DDX46: variants seen among roughly 807,000 people sequenced by gnomAD.
The protein encoded by DDX46 is probable ATP-dependent RNA helicase DDX46.
In DDX46, 30 loss-of-function variants were observed where a neutral mutation model predicts 134.9. The ratio of observed to expected loss-of-function variants is 0.22; its 90% CI spans 0.17 to 0.30. The LOEUF (loss-of-function observed/expected upper bound fraction) is 0.30. DDX46 is among the 10% of genes least tolerant of loss of function. The probability of loss-of-function intolerance (pLI) is 1.00; values close to 1 mark genes in which losing one functional copy is unlikely to be tolerated. For synonymous variants in DDX46, 415 were observed against 404.1 expected, an observed-to-expected ratio of 1.03 and a Z score of -0.32; for missense variants, 622 against 1,248.7, an observed-to-expected ratio of 0.50 and a Z score of 7.56.
chr5:134,760,820 C>A (rs548354320), intron 1 of DDX46, among the ~76,000 whole-genome samples: 1 of 151,870 alleles, frequency 6.6e-6, no homozygotes, highest in Non-Finnish European at 1.5e-5. Flanking sequence ...AGCTCCGCCT[C>A]CAGGGTTCAC....
At chr5:134,816,224 T>C (rs1755284882) in intron 18 of DDX46, among the ~76,000 whole-genome samples, 1 of 152,220 alleles carries the variant, frequency 6.6e-6, no homozygotes, top group South Asian at 2.1e-4. Context: ...CTCCCTACCA[T>C]AGACAACTGA....
chr5:134,784,520 G>A lies in DDX46; in HGVS notation c.1321G>A (p.Glu441Lys). The change falls in exon 10 of 23, where the codon GAG becomes AAG. Residue 441 changes from glutamate (E) to lysine (K), a missense_variant. Glu to Lys is a moderately conservative substitution (Grantham distance 56). Around this residue, in one of 8 missense-constraint regions of DDX46, gnomAD observed 209 missense variants for 508.4 expected, o/e 0.41. Coordinates refer to ENST00000452510, the MANE Select transcript of DDX46 (RefSeq NM_001300860.2). ...ACACATCATGGATCAGAGGTCATTA[G>A]AGGAAGGAGAGGGGCCAATAGGTAC... Reference protein sequence around the residue: ...FRHIMDQRSLEEGEGPIAVIM... With the variant: ...FRHIMDQRSLKEGEGPIAVIM... The A allele has an allele frequency of 6.2e-7, 1 of 1,607,148 alleles. No individual in the cohort carries two copies. Among genetic ancestry groups the A allele is most frequent in the Non-Finnish European group, 8.5e-7 (1 of 1,178,064 alleles).
At chr5:134,818,734 TGG>T in intron 20 of DDX46, 124 bp from the exon 21 acceptor site, 1 of 575,026 alleles carries the variant, frequency 1.7e-6, no homozygotes, top group Non-Finnish European at 2.7e-6. Context: ...TATATATATA[TGG>T]AGAGAGAGAG....
At chr5:134,788,424 A>C in intron 11 of DDX46, 89 bp from the exon 12 acceptor site, 1 of 1,081,846 alleles carries the variant, frequency 9.2e-7, no homozygotes, top group South Asian at 1.5e-5. Context: ...GAAGTCTTCT[A>C]ATTAGACTAG....
chr5:134,798,399 C>T (rs1251201864), intron 15 of DDX46, among the ~76,000 whole-genome samples: 5 of 152,116 alleles, frequency 3.3e-5, no homozygotes, highest in Admixed American at 1.3e-4. Flanking sequence ...GACAGGGTTA[C>T]GCCATGTTGG....
In DDX46 at chr5:134,811,289, A is replaced by G; in HGVS notation, c.2217A>G (p.Glu739=). The change falls in exon 17 of 23, where the codon GAA becomes GAG. Residue 739 remains glutamate (E), a synonymous_variant. Transcript: ENST00000452510. ...RYAGDIIKAL[E]LSGTAVPPDL... ...CTGGTGACATAATTAAAGCTCTTGA[A>G]TTGTCAGGGACTGCAGTACCTCCTG... The G allele has an allele frequency of 6.2e-7, 1 of 1,614,080 alleles. No individual in the cohort carries two copies. The highest frequency in any genetic ancestry group is 8.5e-7 in the Non-Finnish European group (1 of 1,179,966).
chr5:134,795,409 A>C (rs933019030), intron 14 of DDX46, among the ~76,000 whole-genome samples: 1 of 152,148 alleles, frequency 6.6e-6, no homozygotes, highest in African/African-American at 2.4e-5. Context: ...GCAGAAAAAC[A>C]GAACAGGTCA....
intron 18 of DDX46, among the ~76,000 whole-genome samples, chr5:134,815,362 G>A (rs1159316800): frequency 6.6e-6 from 1 of 152,070 alleles, no homozygotes; most frequent in African/African-American, 2.4e-5. Context: ...TTGTATTTCT[G>A]TAATCAGTGA....
chr5:134,763,691 C>T lies in DDX46; in HGVS notation c.18-213C>T, dbSNP rs774084990. Reference sequence around the variant, plus strand: ...GAGCTTGGTCTGTTTTGTTCACTGTCCTTGCCTCTCTTTCAAGACAGATTT... The same window carrying T: ...GAGCTTGGTCTGTTTTGTTCACTGTTCTTGCCTCTCTTTCAAGACAGATTT... On this transcript the variant is annotated intron_variant, in intron 1 of 22. Transcript: ENST00000452510. Among the ~76,000 whole-genome samples the T allele has an allele frequency of 2.6e-5, 4 of 152,272 alleles. No individual in the cohort carries two copies. In the South Asian group the frequency reaches 8.3e-4, roughly 32 times the overall value.
chr5:134,794,984 T>C lies in DDX46; in HGVS notation c.1761T>C (p.Ser587=). The change falls in exon 14 of 23, where the codon AGT becomes AGC. Residue 587 remains serine (S), a synonymous_variant. Coordinates refer to ENST00000452510, the MANE Select transcript of DDX46 (RefSeq NM_001300860.2). ...TTGAAGTACAAGTTGGAGGCAGGAG[T>C]GTGGTTTGCTCAGATGTGGAGCAAC... ...KPIEVQVGGR[S]VVCSDVEQQV... 6.2e-7 allele frequency: 1 copy of C among 1,613,830 alleles called. No homozygotes were observed. The highest frequency in any genetic ancestry group is 1.6e-4 in the Middle Eastern group (1 of 6,062).
At chr5:134,767,277 T>G (rs1303641782) in intron 3 of DDX46, among the ~76,000 whole-genome samples, 1 of 152,180 alleles carries the variant, frequency 6.6e-6, no homozygotes, top group Non-Finnish European at 1.5e-5. Flanking sequence ...TTCAATACAT[T>G]GTATTCTTAC....
chr5:134,818,482 A>G (rs942779315), intron 20 of DDX46, among the ~76,000 whole-genome samples: 50 of 146,602 alleles, frequency 3.4e-4, no homozygotes, highest in African/African-American at 1.2e-3. Context: ...TGGGTGAATC[A>G]CCTGAGGTCG....
At chr5:134,794,677 T>C (rs1296471372) in intron 13 of DDX46, among the ~76,000 whole-genome samples, 173 bp from the exon 14 acceptor site, 1 of 152,224 alleles carries the variant, frequency 6.6e-6, no homozygotes, top group African/African-American at 2.4e-5. Flanking sequence ...AGATGTCTCC[T>C]AGATTTTTGT....
chr5:134,819,921 T>C (rs25787), intron 21 of DDX46, among the ~76,000 whole-genome samples: 5,256 of 152,210 alleles, frequency 0.035, 144 homozygotes, highest in Middle Eastern at 0.085. Flanking sequence ...TGTTTTGTTT[T>C]GTTTTGCTTT....
At chr5:134,807,372 C>A (rs949766696) in intron 15 of DDX46, among the ~76,000 whole-genome samples, 8 of 152,088 alleles carry the variant, frequency 5.3e-5, no homozygotes, top group Admixed American at 3.3e-4. Context: ...GGTCCTTGGA[C>A]AAAACCGAGT....
rs768363770 is a variant in DDX46, at chr5:134,767,008, C to T, written c.298C>T (p.Arg100Trp). ...RRRSRSRSRG[R>W]RSRSSSPGNK... The stretch of plus-strand genomic sequence containing the variant: ...ACGCTCAAGGAGTAGAAGCCGGGGC[C>T]GGCGATCCCGATCCTCCAGTCCTGG... The change falls in exon 3 of 23, where the codon CGG (arginine) becomes TGG (tryptophan). Residue 100 changes from arginine to tryptophan, a missense_variant. Arg to Trp is a moderately radical substitution (Grantham distance 101). Coordinates refer to ENST00000452510, the MANE Select transcript of DDX46 (RefSeq NM_001300860.2). The T allele has an allele frequency of 1.9e-5, 30 of 1,613,832 alleles. No individual in the cohort carries two copies. Among genetic ancestry groups the T allele is most frequent in the African/African-American group, 9.3e-5 (7 of 74,880 alleles).
chr5:134,830,196 T>C lies in DDX46; in HGVS notation c.*1490T>C, dbSNP rs1369600249. On this transcript the variant is annotated 3_prime_UTR_variant, in exon 23 of 23. Transcript: ENST00000452510. ...AAAAAAAAAAAAAAGAAAAAAAGAATGTAAAATTTTAAAAATACAGTTTAA... is the reference window on the plus strand; with the variant it reads ...AAAAAAAAAAAAAAGAAAAAAAGAACGTAAAATTTTAAAAATACAGTTTAA... 6.8e-6 allele frequency: 1 copy of C among 147,524 alleles called. No homozygotes were observed. The highest frequency in any genetic ancestry group is 2.5e-5 in the African/African-American group (1 of 40,252). 9.1% of individuals were successfully genotyped at this position (147,524 alleles called of 1,614,324 possible).
rs1172044871 is a variant in DDX46, at chr5:134,829,565, G to T, written c.*859G>T. The stretch of plus-strand genomic sequence containing the variant: ...TTTCTTCAGGATTATTGAGTAGGTT[G>T]TGAATTTTCTTTCTTAAAAATTGTA... On this transcript the variant is annotated 3_prime_UTR_variant, in exon 23 of 23. Transcript: ENST00000452510. 1 of 152,192 alleles carries T rather than the reference G, an allele frequency of 6.6e-6. No individual in the cohort carries two copies. The highest frequency in any genetic ancestry group is 1.5e-5 in the Non-Finnish European group (1 of 68,034). The allele number at this position is 152,192 out of a possible 1,614,324, so 9.4% of individuals were successfully genotyped here.
intron 1 of DDX46, among the ~76,000 whole-genome samples, chr5:134,759,568 T>C (rs1470291024): frequency 6.6e-6 from 1 of 152,238 alleles, no homozygotes; most frequent in Non-Finnish European, 1.5e-5. Context: ...TAGAACTCAT[T>C]AGATCTCATC....
Sources: gnomAD v4.1 joint callset for allele counts (sites outside exome capture counted in the v4.1 genomes callset) on GRCh38, gnomAD v4.1.1 for gene constraint, gnomAD v4.1.1 regional missense constraint, MANE v1.5 for transcripts, NCBI Gene and HGNC (gene_info 2026-07-23, HGNC 2026-07-21) for gene names.